The following PSME4 variants were observed in gnomAD, a reference collection of about 807,000 sequenced individuals.
PSME4 encodes proteasome activator subunit 4.
A neutral mutation model predicts 253.9 loss-of-function variants in PSME4; 89 were observed. The observed-to-expected ratio is 0.35, with a 90% CI of 0.30 to 0.42. PSME4 has a LOEUF of 0.42. PSME4 is among the 10% of genes least tolerant of loss of function. The pLI is 1.00. For missense variants in PSME4, 2,014 were observed against 2,195.2 expected (o/e 0.92, Z 1.65); for synonymous variants, 851 against 759.2 (o/e 1.12, Z -1.99).
chr2:53,881,876 G>C (rs1558649124), intron 41 of PSME4, among the ~76,000 whole-genome samples: 5 of 152,092 alleles, frequency 3.3e-5, no homozygotes. Flanking sequence ...GAGCCACTGT[G>C]CCCAACCTAA....
At chr2:53,932,640 C>T (rs373878966) in intron 9 of PSME4, 28 bp downstream of exon 9, 247 of 1,545,316 alleles carry the variant, frequency 1.6e-4, no homozygotes, top group Non-Finnish European at 2.1e-4. Context: ...AAATTCCAAG[C>T]CCTATAATGC....
intron 26 of PSME4, among the ~76,000 whole-genome samples, 163 bp downstream of exon 26, chr2:53,906,435 T>C (rs946254755): frequency 6.6e-5 from 10 of 152,226 alleles, no homozygotes; most frequent in African/African-American, 2.2e-4. Flanking sequence ...CTGGTTTTAT[T>C]ACTTCCTGGA....
chr2:53,936,057 G>GATA (rs1345698823), intron 7 of PSME4, 30 bp downstream of exon 7: 1 of 1,605,106 alleles, frequency 6.2e-7, no homozygotes, highest in East Asian at 2.3e-5. Context: ...CCCCATGCCT[G>GATA]ATAATTTTTT....
intron 26 of PSME4, 54 bp downstream of exon 26, chr2:53,906,544 T>A: frequency 6.9e-7 from 1 of 1,452,558 alleles, no homozygotes; most frequent in Admixed American, 2.5e-5. Flanking sequence ...GATATTAAGA[T>A]TGCATGTAAT....
Position 53,864,167 on chromosome 2 carries a change from T to TA in PSME4, c.*1410dup, listed in dbSNP as rs1678461037. ...GATTACGCCTGTGTATGCCGACACT[T>TA]AAATACTGTACCAGGACCACTGCTG... On this transcript the variant is annotated 3_prime_UTR_variant, in exon 47 of 47. Transcript: ENST00000404125. 1 of 152,330 alleles carries TA rather than the reference T, an allele frequency of 6.6e-6. No individual in the cohort carries two copies. Among genetic ancestry groups the TA allele is most frequent in the Middle Eastern group, 3.4e-3 (1 of 294 alleles). 9.4% of individuals were successfully genotyped at this position (152,330 alleles called of 1,614,324 possible). A position where few individuals can be genotyped will look rare whatever the true frequency, so the allele number is the denominator to read the frequency against.
intron 41 of PSME4, among the ~76,000 whole-genome samples, chr2:53,877,558 C>T (rs1679194281): frequency 6.6e-6 from 1 of 152,118 alleles, no homozygotes; most frequent in East Asian, 1.9e-4. Context: ...AAAGTTTATT[C>T]AGCGACATCA....
At chr2:53,911,822 C>A (rs1667839402) in intron 20 of PSME4, among the ~76,000 whole-genome samples, 1 of 152,062 alleles carries the variant, frequency 6.6e-6, no homozygotes, top group Non-Finnish European at 1.5e-5. Context: ...TCTTTATAAC[C>A]AATTATTCTC....
intron 36 of PSME4, among the ~76,000 whole-genome samples, chr2:53,891,600 C>T (rs1679907567): frequency 6.6e-6 from 1 of 151,838 alleles, no homozygotes; most frequent in Admixed American, 6.6e-5. Flanking sequence ...GTAGCTCACA[C>T]CTGTAATCCC....
intron 1 of PSME4, among the ~76,000 whole-genome samples, chr2:53,955,308 G>A (rs1184770910): frequency 1.3e-5 from 2 of 152,120 alleles, no homozygotes; most frequent in African/African-American, 4.8e-5. Flanking sequence ...TTGTCCAACC[G>A]ATGGCCCAGG....
At chr2:53,883,675 T>G (rs1486122186) in intron 41 of PSME4, among the ~76,000 whole-genome samples, 1 of 152,188 alleles carries the variant, frequency 6.6e-6, no homozygotes, top group African/African-American at 2.4e-5. Context: ...AGGCATATGC[T>G]AACTGAATCA....
rs773484312 is a variant in PSME4, at chr2:53,910,066, T to C, written c.2572+9A>G. ...CCACACAGATTTACTCAGATTAGGA[T>C]TCACATACCATATTCAAGTCCAGTA... On this transcript the variant is annotated intron_variant, in intron 21 of 46. Coordinates refer to ENST00000404125, the MANE Select transcript of PSME4 (RefSeq NM_014614.3). 6.3e-7 allele frequency: 1 copy of C among 1,590,296 alleles called. No individual in the cohort carries two copies. Among genetic ancestry groups the C allele is most frequent in the East Asian group, 2.2e-5 (1 of 44,742 alleles).
At chr2:53,933,403 A>AAAAAAAAC (rs1558697904) in intron 8 of PSME4, among the ~76,000 whole-genome samples, 1 of 139,064 alleles carries the variant, frequency 7.2e-6, no homozygotes, top group African/African-American at 2.6e-5. Flanking sequence ...AAAAAAAAAA[A>AAAAAAAAC]GCGTTTCCCT....
chr2:53,926,066 T>G (rs1336566402), intron 12 of PSME4, 43 bp from the exon 13 acceptor site: 19 of 1,509,698 alleles, frequency 1.3e-5, no homozygotes, highest in Non-Finnish European at 1.3e-5. Context: ...ATAGCCTTTG[T>G]TTTTTTTTCC....
At chr2:53,921,783 G>C (rs144135685) in intron 17 of PSME4, among the ~76,000 whole-genome samples, 25,673 of 134,404 alleles carry the variant, frequency 0.19, 2,453 homozygotes, top group South Asian at 0.26. Flanking sequence ...CAGGAGAATG[G>C]CGTGAACCCG....
rs186920054 is a variant in PSME4 at position 53,875,540 on chromosome 2, C to T, written c.4944+87G>A. On this transcript the variant is annotated intron_variant, in intron 42 of 46. Coordinates refer to ENST00000404125, the MANE Select transcript of PSME4 (RefSeq NM_014614.3). ...AAGAAAATTCAAAACAAAAACTAGG[C>T]GCTGTGTGCACTGCAGCTGACTGAA... is the stretch of plus-strand genomic sequence containing the variant. 3.2e-4 allele frequency: 401 copies of T among 1,256,572 alleles called. 2 individuals are homozygous for T. In the African/African-American group the frequency reaches 5.4e-3, roughly 17 times the overall value. 77.8% of individuals were successfully genotyped at this position (1,256,572 alleles called of 1,614,324 possible). A position where few individuals can be genotyped will look rare whatever the true frequency, so the allele number is the denominator to read the frequency against.
Position 53,897,942 on chromosome 2 carries a change from G to A in PSME4, c.3534C>T (p.Asp1178=). 2 of 1,613,208 alleles carry A rather than the reference G, an allele frequency of 1.2e-6. No homozygotes were observed. The highest frequency in any genetic ancestry group is 8.5e-7 in the Non-Finnish European group (1 of 1,179,242). ...GTATGGCACGAAGAGGCAACACTCG[G>A]TCATCTCTCAGCAGTAGAGACAGAA... ...IGLLSLLLRD[D]RVLPLRAIRF... The change falls in exon 31 of 47, where the codon GAC becomes GAT. Residue 1178 remains aspartate (D), a synonymous_variant. Coordinates refer to ENST00000404125, the MANE Select transcript of PSME4 (RefSeq NM_014614.3).
intron 20 of PSME4, among the ~76,000 whole-genome samples, chr2:53,916,562 C>T (rs954299418): frequency 2.6e-5 from 4 of 152,112 alleles, no homozygotes; most frequent in Admixed American, 6.5e-5. Context: ...ATTCTTCACA[C>T]CAGGCAGTAT....
intron 28 of PSME4, among the ~76,000 whole-genome samples, chr2:53,900,376 C>G (rs887611117): frequency 2.0e-5 from 3 of 150,476 alleles, no homozygotes; most frequent in Non-Finnish European, 4.4e-5. Context: ...CCGGGGAACA[C>G]AGCAAGACCC....
At chr2:53,902,607 C>T (rs1680463882) in intron 27 of PSME4, among the ~76,000 whole-genome samples, 1 of 152,128 alleles carries the variant, frequency 6.6e-6, no homozygotes, top group South Asian at 2.1e-4. Flanking sequence ...AAACTGCTCT[C>T]ATTAAGGTCA....
Sources: gnomAD v4.1 joint callset for allele counts (sites outside exome capture counted in the v4.1 genomes callset) on GRCh38, gnomAD v4.1.1 for gene constraint, MANE v1.5 for transcripts, NCBI Gene and HGNC (gene_info 2026-07-23, HGNC 2026-07-21) for gene names.